Variants in EEF1AKMT3 observed in about 807,000 individuals in gnomAD.
EEF1AKMT3 encodes EEF1A lysine methyltransferase 3, also known as eEF1A-KMT3.
A neutral mutation model predicts 17.8 loss-of-function variants in EEF1AKMT3; 17 were observed. The observed-to-expected ratio is 0.96, with a 90% CI of 0.65 to 1.43. The LOEUF is 1.43. EEF1AKMT3 is among the 40% of genes most tolerant of loss of function. EEF1AKMT3 has a pLI of 0.00. For synonymous variants in EEF1AKMT3, 116 were observed against 126.5 expected (o/e 0.92, Z 0.56); for missense variants, 244 against 285.8 (o/e 0.85, Z 1.06).
At chr12:57,775,405 A>G (rs1472774505) in intron 2 of EEF1AKMT3, among the ~76,000 whole-genome samples, 2 of 148,166 alleles carry the variant, frequency 1.3e-5, no homozygotes, top group Admixed American at 6.7e-5. Context: ...TTTTTGAGAC[A>G]GAGTCTCACT....
At position 57,772,861 on chromosome 12, in the gene EEF1AKMT3, T is replaced by G; in HGVS notation, c.137T>G (p.Phe46Cys). ...CATGTGCTGACCATCACGCAGAACT[T>G]TGGGTCCCGCCTCGGGGTGGCGGCG... ...CGHVLTITQN[F>C]GSRLGVAARV... Residue 46 changes from phenylalanine to cysteine, a missense_variant, in exon 1 of 3, where the codon TTT becomes TGT. Transcript: ENST00000300209. This position sits in a 1 kb window ranked among gnomAD's most constrained non-coding sequence, Gnocchi z 4.1. The G allele has an allele frequency of 4.3e-6, 7 of 1,614,150 alleles. No homozygotes were observed. The highest frequency in any genetic ancestry group is 5.9e-6 in the Non-Finnish European group (7 of 1,179,994).
chr12:57,780,107 G>C (rs746554366), intron 2 of EEF1AKMT3, 148 bp from the exon 3 acceptor site: 12 of 806,084 alleles, frequency 1.5e-5, no homozygotes, highest in Non-Finnish European at 1.9e-5. Context: ...GGGTGAAATG[G>C]AGGTTGAGGC....
Position 57,782,473 on chromosome 12 carries a change from T to G in EEF1AKMT3, c.*1827T>G. Reference sequence around the variant, plus strand: ...GAACCCATTCACCAACCACACAAGTTTGTTGTGAGTCATAAATGGATAATG... The same window carrying G: ...GAACCCATTCACCAACCACACAAGTGTGTTGTGAGTCATAAATGGATAATG... On this transcript the variant is annotated 3_prime_UTR_variant, in exon 3 of 3. Coordinates refer to ENST00000300209, the MANE Select transcript of EEF1AKMT3 (RefSeq NM_015433.3). 3.4e-6 allele frequency: 1 copy of G among 298,090 alleles called. No individual in the cohort carries two copies. The highest frequency in any genetic ancestry group is 6.3e-6 in the Non-Finnish European group (1 of 158,136). 18.5% of individuals were successfully genotyped at this position (298,090 alleles called of 1,614,324 possible). A position where few individuals can be genotyped will look rare whatever the true frequency, so the allele number is the denominator to read the frequency against.
intron 2 of EEF1AKMT3, among the ~76,000 whole-genome samples, chr12:57,775,542 T>C (rs954813525): frequency 2.8e-4 from 42 of 152,144 alleles, no homozygotes; most frequent in Non-Finnish European, 4.4e-5. Flanking sequence ...CCACTATGCC[T>C]CACTAATTTT....
Position 57,782,481 on chromosome 12 carries a change from A to C in EEF1AKMT3, c.*1835A>C. ...TCACCAACCACACAAGTTTGTTGTG[A>C]GTCATAAATGGATAATGAATATAAA... is the stretch of plus-strand genomic sequence containing the variant. On this transcript the variant is annotated 3_prime_UTR_variant, in exon 3 of 3. Transcript: ENST00000300209. 3.1e-6 allele frequency: 1 copy of C among 327,508 alleles called. No individual in the cohort carries two copies. Among genetic ancestry groups the C allele is most frequent in the South Asian group, 5.7e-5 (1 of 17,408 alleles). 20.3% of individuals were successfully genotyped at this position (327,508 alleles called of 1,614,324 possible).
chr12:57,774,640 C>A, intron 2 of EEF1AKMT3: 1 of 1,465,844 alleles, frequency 6.8e-7, no homozygotes, highest in Non-Finnish European at 9.5e-7. Flanking sequence ...AGCTTATGGT[C>A]TAGTGAGGGA....
rs1595126223 is a variant in EEF1AKMT3, at chr12:57,772,652, C to T, written c.-73C>T. On this transcript the variant is annotated 5_prime_UTR_variant, in exon 1 of 3. Transcript: ENST00000300209. This position sits in a 1 kb window ranked among gnomAD's most constrained non-coding sequence, Gnocchi z 4.1. The stretch of plus-strand genomic sequence containing the variant: ...GGACACCACGACGGCTCGCGGCCCC[C>T]AGCCTCTACCCCGCTCCGGATCCGG... The T allele has an allele frequency of 6.7e-7, 1 of 1,483,564 alleles. No individual in the cohort carries two copies. Among genetic ancestry groups the T allele is most frequent in the Middle Eastern group, 2.3e-4 (1 of 4,292 alleles). The allele number at this position is 1,483,564 out of a possible 1,614,324, so 91.9% of individuals were successfully genotyped here.
intron 2 of EEF1AKMT3, among the ~76,000 whole-genome samples, chr12:57,777,869 A>G (rs1955489275): frequency 6.6e-6 from 1 of 152,026 alleles, no homozygotes; most frequent in East Asian, 1.9e-4. Context: ...AAAATACAAA[A>G]TTAGCCGGGC....
At position 57,780,675 on chromosome 12, in the gene EEF1AKMT3, T is replaced by G; in HGVS notation, c.*29T>G. On this transcript the variant is annotated 3_prime_UTR_variant, in exon 3 of 3. Coordinates refer to ENST00000300209, the MANE Select transcript of EEF1AKMT3 (RefSeq NM_015433.3). The stretch of plus-strand genomic sequence containing the variant: ...CACCCTTGCTGTTCTTCTCAATCTC[T>G]TGCTCTAATGAAGGAACTGTGTATC... 6.3e-7 allele frequency: 1 copy of G among 1,599,982 alleles called. No homozygotes were observed. Among genetic ancestry groups the G allele is most frequent in the Non-Finnish European group, 8.5e-7 (1 of 1,179,476 alleles).
In EEF1AKMT3 at chr12:57,780,283, C is replaced by T. The variant is rs1955504252; in HGVS notation, c.318C>T (p.Pro106=). The change falls in exon 3 of 3, where the codon CCC becomes CCT. Residue 106 remains proline, a synonymous_variant. Transcript: ENST00000300209. The part of the protein sequence containing the change: ...QGGDVTITDL[P]LALEQIQGNV... Reference sequence around the variant, plus strand: ...GGGATGTTACCATCACTGACCTGCCCCTGGCCCTAGAACAGATCCAGGGCA... The same window carrying T: ...GGGATGTTACCATCACTGACCTGCCTCTGGCCCTAGAACAGATCCAGGGCA... The T allele has an allele frequency of 1.2e-6, 2 of 1,613,794 alleles. No individual in the cohort carries two copies. The highest frequency in any genetic ancestry group is 1.7e-4 in the Middle Eastern group (1 of 6,034).
At chr12:57,776,823 G>A (rs1365873403) in intron 2 of EEF1AKMT3, among the ~76,000 whole-genome samples, 1 of 152,028 alleles carries the variant, frequency 6.6e-6, no homozygotes, top group African/African-American at 2.4e-5. Flanking sequence ...GCTAATTTTT[G>A]TATTTTTAGT....
At position 57,772,665 on chromosome 12, in the gene EEF1AKMT3, G is replaced by C; in HGVS notation, c.-60G>C. 6.5e-7 allele frequency: 1 copy of C among 1,530,476 alleles called. No individual in the cohort carries two copies. The highest frequency in any genetic ancestry group is 2.4e-5 in the East Asian group (1 of 41,746). The allele number at this position is 1,530,476 out of a possible 1,614,324, so 94.8% of individuals were successfully genotyped here. On this transcript the variant is annotated 5_prime_UTR_variant, in exon 1 of 3. Coordinates refer to ENST00000300209, the MANE Select transcript of EEF1AKMT3 (RefSeq NM_015433.3). This position sits in a 1 kb window ranked among gnomAD's most constrained non-coding sequence, Gnocchi z 4.1. ...GCTCGCGGCCCCCAGCCTCTACCCCGCTCCGGATCCGGGATCTGAGCGCCG... is the reference window on the plus strand; with the variant it reads ...GCTCGCGGCCCCCAGCCTCTACCCCCCTCCGGATCCGGGATCTGAGCGCCG...
chr12:57,775,605 C>G (rs1356734386), intron 2 of EEF1AKMT3, among the ~76,000 whole-genome samples: 1 of 152,206 alleles, frequency 6.6e-6, no homozygotes, highest in African/African-American at 2.4e-5. Context: ...TGGTCGTGAA[C>G]TCCTGGCCTC....
intron 2 of EEF1AKMT3, among the ~76,000 whole-genome samples, chr12:57,774,406 G>A (rs1226012725): frequency 2.0e-5 from 3 of 152,196 alleles, no homozygotes; most frequent in South Asian, 2.1e-4. Context: ...CTTGAACCCG[G>A]GAGGTGAAGG....
At chr12:57,777,417 G>A (rs1482156460) in intron 2 of EEF1AKMT3, among the ~76,000 whole-genome samples, 2 of 152,082 alleles carry the variant, frequency 1.3e-5, no homozygotes, top group African/African-American at 2.4e-5. Context: ...AATTGTTCTA[G>A]TTAAGGTCGT....
chr12:57,780,424 G>A lies in EEF1AKMT3; in HGVS notation c.459G>A (p.Val153=). 6.2e-7 allele frequency: 1 copy of A among 1,614,180 alleles called. No individual in the cohort carries two copies. ...ACCTGGTGCTGGGGGCTGATATCGT[G>A]TACCTGGAACCCACCTTCCCTCTGC... The part of the protein sequence containing the change: ...NYDLVLGADI[V]YLEPTFPLLL... The change falls in exon 3 of 3, where the codon GTG becomes GTA. Residue 153 remains valine, a synonymous_variant. Transcript: ENST00000300209.
intron 2 of EEF1AKMT3, among the ~76,000 whole-genome samples, chr12:57,778,066 A>T (rs1402197898): frequency 2.0e-5 from 3 of 151,360 alleles, no homozygotes. Flanking sequence ...TGACTCTAAG[A>T]CTATCCCATT....
At chr12:57,773,558 G>A (rs1018368318) in intron 2 of EEF1AKMT3, among the ~76,000 whole-genome samples, 1 of 152,170 alleles carries the variant, frequency 6.6e-6, no homozygotes, top group Non-Finnish European at 1.5e-5. Context: ...CTCCGAAGTA[G>A]CTGGAATTAC....
chr12:57,776,713 C>T (rs1036570615), intron 2 of EEF1AKMT3, among the ~76,000 whole-genome samples: 11 of 152,142 alleles, frequency 7.2e-5, no homozygotes, highest in Admixed American at 3.3e-4. Context: ...TGCAGTAGTG[C>T]GACCTTGGTT....
Sources: gnomAD v4.1 joint callset for allele counts (sites outside exome capture counted in the v4.1 genomes callset) on GRCh38, gnomAD v4.1.1 for gene constraint, Gnocchi (gnomAD v3.1) non-coding constraint, MANE v1.5 for transcripts, NCBI Gene and HGNC (gene_info 2026-07-23, HGNC 2026-07-21) for gene names.